VPS13B: variants seen among roughly 807,000 people sequenced by gnomAD.
VPS13B encodes intermembrane lipid transfer protein VPS13B.
A neutral mutation model predicts 426.4 loss-of-function variants in VPS13B; 285 were observed. That is an observed-to-expected ratio of 0.67 (90% CI 0.61 to 0.74). The LOEUF (loss-of-function observed/expected upper bound fraction) is 0.74. VPS13B is among the 30% of genes least tolerant of loss of function. The pLI is 0.00. For missense variants in VPS13B, 4,537 were observed against 4,782.6 expected, an observed-to-expected ratio of 0.95 and a Z score of 1.51; for synonymous variants, 1,676 against 1,676.4, an observed-to-expected ratio of 1.00 and a Z score of 0.01.
chr8:99,698,030 A>T (rs1295028770), intron 35 of VPS13B: 2 of 363,506 alleles, frequency 5.5e-6, no homozygotes, highest in African/African-American at 4.2e-5. Context: ...CTGCTGGCCT[A>T]GCCACCTGTC....
chr8:99,050,940 A>C (rs914276034), intron 3 of VPS13B, among the ~76,000 whole-genome samples: 1 of 152,242 alleles, frequency 6.6e-6, no homozygotes, highest in Non-Finnish European at 1.5e-5. Flanking sequence ...GCCCTTTGTC[A>C]GATGAGTAGA....
At chr8:99,860,951 A>G (rs1816802278) in intron 57 of VPS13B, among the ~76,000 whole-genome samples, 1 of 152,264 alleles carries the variant, frequency 6.6e-6, no homozygotes, top group African/African-American at 2.4e-5. Context: ...TTACATCCTC[A>G]GAATGGCAAA....
At chr8:99,754,577 A>G (rs1014668053) in intron 39 of VPS13B, among the ~76,000 whole-genome samples, 1 of 152,162 alleles carries the variant, frequency 6.6e-6, no homozygotes, top group Non-Finnish European at 1.5e-5. Context: ...TGTCTCTTTC[A>G]GTCACTGAAC....
chr8:99,337,270 A>C (rs1810955472), intron 19 of VPS13B, among the ~76,000 whole-genome samples: 2 of 150,782 alleles, frequency 1.3e-5, no homozygotes, highest in Non-Finnish European at 3.0e-5. Context: ...AGAACAAAAA[A>C]CCAAACACCG....
At position 99,817,560 on chromosome 8, in the gene VPS13B, G is replaced by A. The variant is rs752661758; in HGVS notation, c.8118G>A (p.Gln2706=). Residue 2706 remains glutamine (Q), a synonymous_variant, in exon 45 of 62, where the codon CAG becomes CAA. Transcript: ENST00000357162. ...VQKQIIICGR[Q]IICSYLSQSI... Reference sequence around the variant, plus strand: ...TTTAGATTATCATCTGTGGAAGACAGATCATCTGTAGTTACTTGTCTCAAA... The same window carrying A: ...TTTAGATTATCATCTGTGGAAGACAAATCATCTGTAGTTACTTGTCTCAAA... 12 of 1,614,028 alleles carry A rather than the reference G, an allele frequency of 7.4e-6. No individual in the cohort carries two copies. The East Asian group carries it at 2.2e-4, about 30-fold the overall frequency.
chr8:99,389,700 G>A (rs186309967), intron 20 of VPS13B: 6 of 152,294 alleles, frequency 3.9e-5, no homozygotes, highest in Admixed American at 3.9e-4. Flanking sequence ...AGAAGTGGCA[G>A]AGGTGGAAGA....
At chr8:99,719,896 G>T (rs781057149) in intron 37 of VPS13B, among the ~76,000 whole-genome samples, 35 of 152,214 alleles carry the variant, frequency 2.3e-4, no homozygotes, top group Admixed American at 3.9e-4. Flanking sequence ...CTCTAAAAGT[G>T]CAGAGAAAGA....
intron 19 of VPS13B, among the ~76,000 whole-genome samples, chr8:99,375,830 G>T (rs567552007): frequency 6.6e-6 from 1 of 152,134 alleles, no homozygotes; most frequent in Non-Finnish European, 1.5e-5. Flanking sequence ...CAACTTAGAT[G>T]TAAATTAATA....
At chr8:99,282,898 G>A (rs940687609) in intron 19 of VPS13B, among the ~76,000 whole-genome samples, 1 of 151,890 alleles carries the variant, frequency 6.6e-6, no homozygotes, top group East Asian at 1.9e-4. Flanking sequence ...TTTACCCATC[G>A]CACATGGGAA....
In VPS13B at chr8:99,642,613, C is replaced by T. The variant is rs913298011; in HGVS notation, c.5908+115C>T. 8.8e-6 allele frequency: 8 copies of T among 912,490 alleles called. No individual in the cohort carries two copies. The African/African-American group carries it at 1.2e-4, about 13-fold the overall frequency. 56.5% of individuals were successfully genotyped at this position (912,490 alleles called of 1,614,324 possible). A position where few individuals can be genotyped will look rare whatever the true frequency, so the allele number is the denominator to read the frequency against. Reference sequence around the variant, plus strand: ...CTGGCAGACAAAAGTCTTTTCTCTACAGAATATGGAAAGTTCATGTTCCAC... The same window carrying T: ...CTGGCAGACAAAAGTCTTTTCTCTATAGAATATGGAAAGTTCATGTTCCAC... On this transcript the variant is annotated intron_variant, in intron 34 of 61. Coordinates refer to ENST00000357162, the MANE Select transcript of VPS13B (RefSeq NM_152564.5).
intron 19 of VPS13B, among the ~76,000 whole-genome samples, chr8:99,307,047 A>AT (rs1362720597): frequency 6.6e-6 from 1 of 152,082 alleles, no homozygotes; most frequent in Admixed American, 6.6e-5. Flanking sequence ...ACACACACGG[A>AT]TTTTTCAAAG....
intron 19 of VPS13B, among the ~76,000 whole-genome samples, chr8:99,317,970 A>T (rs1041320619): frequency 1.3e-5 from 2 of 152,170 alleles, no homozygotes; most frequent in African/African-American, 2.4e-5. Flanking sequence ...GTTTATTCCA[A>T]CTGTGTTTTT....
intron 16 of VPS13B, among the ~76,000 whole-genome samples, chr8:99,192,305 T>C (rs1439198667): frequency 6.6e-6 from 1 of 152,210 alleles, no homozygotes; most frequent in Non-Finnish European, 1.5e-5. Context: ...ATGTAAATAC[T>C]TCATAAATAC....
chr8:99,788,383 TA>T (rs5893498), intron 43 of VPS13B, among the ~76,000 whole-genome samples: 7,789 of 102,886 alleles, frequency 0.076, 271 homozygotes, highest in African/African-American at 0.13. Context: ...GACCCCATCT[TA>T]AAAAAAAAAA....
At chr8:99,575,974 C>T (rs1825756519) in intron 32 of VPS13B, among the ~76,000 whole-genome samples, 190 bp downstream of exon 32, 2 of 152,158 alleles carry the variant, frequency 1.3e-5, no homozygotes, top group South Asian at 4.1e-4. Context: ...TGTAATAACT[C>T]ATTTAGTCCT....
intron 14 of VPS13B, among the ~76,000 whole-genome samples, chr8:99,149,765 C>T (rs1033336493): frequency 2.6e-5 from 4 of 152,030 alleles, no homozygotes; most frequent in African/African-American, 7.2e-5. Flanking sequence ...GGTGAGTGAG[C>T]GTTACCACCT....
At chr8:99,579,300 T>C (rs961837399) in intron 33 of VPS13B, among the ~76,000 whole-genome samples, 2 of 152,236 alleles carry the variant, frequency 1.3e-5, no homozygotes, top group African/African-American at 4.8e-5. Flanking sequence ...TATAAAGACA[T>C]TTTAGTTACA....
intron 37 of VPS13B, among the ~76,000 whole-genome samples, chr8:99,718,475 A>G (rs1035585101): frequency 1.3e-5 from 2 of 152,194 alleles, no homozygotes; most frequent in Non-Finnish European, 2.9e-5. Context: ...AGCCAAATAT[A>G]GAATGTGTGA....
chr8:99,772,663 C>G (rs1811566009), intron 40 of VPS13B, among the ~76,000 whole-genome samples: 1 of 152,094 alleles, frequency 6.6e-6, no homozygotes, highest in Non-Finnish European at 1.5e-5. Context: ...AAATAGTATG[C>G]ATCATATTTT....
Sources: gnomAD v4.1 joint callset for allele counts (sites outside exome capture counted in the v4.1 genomes callset) on GRCh38, gnomAD v4.1.1 for gene constraint, MANE v1.5 for transcripts, NCBI Gene and HGNC (gene_info 2026-07-23, HGNC 2026-07-21) for gene names.